Variants in GALNTL6 observed in about 807,000 individuals in gnomAD.
GALNTL6 encodes the protein polypeptide N-acetylgalactosaminyltransferase like 6.
A neutral mutation model predicts 73.7 loss-of-function variants in GALNTL6; 46 were observed. That is an observed-to-expected ratio of 0.62 (90% CI 0.49 to 0.80). The LOEUF is 0.80. Ranked by LOEUF, GALNTL6 falls within the 30% of genes least tolerant of loss-of-function variation. The probability of loss-of-function intolerance (pLI) is 0.00; values close to 1 mark genes in which losing one functional copy is unlikely to be tolerated. For synonymous variants in GALNTL6, 259 were observed against 263.7 expected, an observed-to-expected ratio of 0.98 and a Z score of 0.17; for missense variants, 604 against 755.0, an observed-to-expected ratio of 0.80 and a Z score of 2.34.
rs1732628780 is a variant in GALNTL6, at chr4:172,461,766, A to G, written c.553+113077A>G. Among the ~76,000 whole-genome samples the G allele has an allele frequency of 1.3e-5, 2 of 152,228 alleles. 1 individual carries two copies. The highest frequency in any genetic ancestry group is 4.1e-4 in the South Asian group (2 of 4,832). ...TTGCTTTTGGGCACTCTTGGGCACT[A>G]TTCAAAGATCAAAGAGTGGAACTAT... On this transcript the variant is annotated intron_variant, in intron 5 of 12. Coordinates refer to ENST00000506823, the MANE Select transcript of GALNTL6 (RefSeq NM_001034845.3).
Position 173,040,290 on chromosome 4 carries a change from A to C in GALNTL6, c.*190A>C. 5.5e-6 allele frequency: 3 copies of C among 541,648 alleles called. No homozygotes were observed. The allele number at this position is 541,648 out of a possible 1,614,324, so 33.6% of individuals were successfully genotyped here. Reference sequence around the variant, plus strand: ...TCTGAAGAACTTGGCTGAGAATCTCACCAGCTGCTTCTGAGAACTCGAGAC... The same window carrying C: ...TCTGAAGAACTTGGCTGAGAATCTCCCCAGCTGCTTCTGAGAACTCGAGAC... On this transcript the variant is annotated 3_prime_UTR_variant, in exon 13 of 13. Transcript: ENST00000506823.
intron 2 of GALNTL6, among the ~76,000 whole-genome samples, chr4:172,190,697 T>A (rs1735551631): frequency 6.6e-6 from 1 of 152,142 alleles, no homozygotes; most frequent in Non-Finnish European, 1.5e-5. Context: ...GTTAATAAGT[T>A]TTGTTTTATT....
chr4:171,834,991 A>G (rs1735063628), intron 2 of GALNTL6, among the ~76,000 whole-genome samples: 1 of 152,026 alleles, frequency 6.6e-6, no homozygotes, highest in Admixed American at 6.6e-5. Flanking sequence ...GAGAGGCATC[A>G]GAACTAAAAA....
chr4:172,592,716 C>CTATCTATCT (rs1553963436), intron 5 of GALNTL6, among the ~76,000 whole-genome samples: 2 of 151,536 alleles, frequency 1.3e-5, no homozygotes, highest in South Asian at 2.1e-4. Flanking sequence ...ATCTATCTAT[C>CTATCTATCT]GAGAGAGACT....
chr4:171,930,138 A>T (rs1036950800), intron 2 of GALNTL6, among the ~76,000 whole-genome samples: 1 of 152,372 alleles, frequency 6.6e-6, no homozygotes, highest in East Asian at 1.9e-4. Context: ...CCCTACAGCC[A>T]GTTGGCTGGT....
intron 3 of GALNTL6, among the ~76,000 whole-genome samples, chr4:172,291,864 G>A (rs1739488676): frequency 1.3e-5 from 2 of 151,948 alleles, no homozygotes; most frequent in South Asian, 4.1e-4. Flanking sequence ...TTTTAGGAGA[G>A]GAAGTTGAAG....
At chr4:172,953,863 G>A (rs1032565320) in intron 10 of GALNTL6, among the ~76,000 whole-genome samples, 2 of 152,222 alleles carry the variant, frequency 1.3e-5, no homozygotes, top group Non-Finnish European at 2.9e-5. Context: ...TAGCCTGCTT[G>A]TATTAATTTA....
At chr4:171,923,411 T>TG (rs1737855581) in intron 2 of GALNTL6, among the ~76,000 whole-genome samples, 1 of 150,340 alleles carries the variant, frequency 6.7e-6, no homozygotes, top group African/African-American at 2.5e-5. Flanking sequence ...TTTTTTTTTT[T>TG]TTTTGAGACG....
intron 5 of GALNTL6, among the ~76,000 whole-genome samples, chr4:172,374,175 A>G (rs1742937320): frequency 6.6e-6 from 1 of 152,198 alleles, no homozygotes; most frequent in South Asian, 2.1e-4. Context: ...CCACACTGAT[A>G]ACAAGCCCTA....
intron 5 of GALNTL6, among the ~76,000 whole-genome samples, chr4:172,743,188 A>G (rs569408211): frequency 2.8e-4 from 42 of 152,172 alleles, no homozygotes; most frequent in Non-Finnish European, 4.7e-4. Flanking sequence ...GCATTCTTAC[A>G]TGTGTCAGAC....
At chr4:172,326,756 T>C (rs1303408942) in intron 4 of GALNTL6, among the ~76,000 whole-genome samples, 1 of 151,984 alleles carries the variant, frequency 6.6e-6, no homozygotes, top group East Asian at 1.9e-4. Flanking sequence ...TTTTTTCCTC[T>C]GGCTTTGCCT....
At chr4:172,496,104 G>T (rs1378113790) in intron 5 of GALNTL6, among the ~76,000 whole-genome samples, 1 of 152,168 alleles carries the variant, frequency 6.6e-6, no homozygotes, top group Non-Finnish European at 1.5e-5. Context: ...CATCACTGCT[G>T]CATTTTTTAG....
chr4:172,896,758 G>C (rs1381368258), intron 8 of GALNTL6, among the ~76,000 whole-genome samples: 1 of 152,158 alleles, frequency 6.6e-6, no homozygotes, highest in Non-Finnish European at 1.5e-5. Context: ...TTGCAATTTG[G>C]CATCAGAGAC....
intron 2 of GALNTL6, among the ~76,000 whole-genome samples, chr4:171,988,194 T>A (rs575299469): frequency 1.7e-4 from 26 of 152,292 alleles, no homozygotes; most frequent in Admixed American, 6.5e-4. Flanking sequence ...CAGTCCTGGC[T>A]CTTGTGTAAG....
intron 5 of GALNTL6, among the ~76,000 whole-genome samples, chr4:172,615,647 A>G (rs1350523389): frequency 2.6e-5 from 4 of 152,220 alleles, no homozygotes; most frequent in African/African-American, 7.2e-5. Context: ...AAGAATGTGT[A>G]TACTATAAAT....
In GALNTL6 at chr4:172,248,474, C is replaced by T. The variant is rs114546612; in HGVS notation, c.247+18710C>T. On this transcript the variant is annotated intron_variant, in intron 3 of 12. Transcript: ENST00000506823. Reference sequence around the variant, plus strand: ...ACCCTAGATGTGAGCATATGACTGTCTAGAACAGTCACCAGTAGGTTTCAT... The same window carrying T: ...ACCCTAGATGTGAGCATATGACTGTTTAGAACAGTCACCAGTAGGTTTCAT... Among the ~76,000 whole-genome samples, 1,178 of 152,244 alleles carry T rather than the reference C, an allele frequency of 7.7e-3. 13 individuals carry two copies. Among genetic ancestry groups the T allele is most frequent in the African/African-American group, 0.027 (1,121 of 41,554 alleles).
At chr4:171,816,989 TAAATTGA>T (rs1291900885) in intron 2 of GALNTL6, among the ~76,000 whole-genome samples, 7 of 152,216 alleles carry the variant, frequency 4.6e-5, no homozygotes, top group Admixed American at 4.6e-4. Context: ...ACATAGGTTT[TAAATTGA>T]AACATAATTT....
intron 7 of GALNTL6, among the ~76,000 whole-genome samples, chr4:172,868,484 A>G (rs761041014): frequency 2.6e-5 from 4 of 152,268 alleles, no homozygotes; most frequent in Admixed American, 6.5e-5. Context: ...CCTTTTTATA[A>G]CAGAGAAAAC....
intron 2 of GALNTL6, among the ~76,000 whole-genome samples, chr4:172,116,757 G>A (rs1464464148): frequency 6.6e-6 from 1 of 152,100 alleles, no homozygotes; most frequent in East Asian, 1.9e-4. Flanking sequence ...GTGCATTACA[G>A]TTTTTAATTC....
Sources: allele counts gnomAD v4.1 joint callset (sites outside exome capture counted in the v4.1 genomes callset), GRCh38; gene constraint gnomAD v4.1.1; transcripts MANE v1.5; gene names NCBI Gene and HGNC (gene_info 2026-07-23, HGNC 2026-07-21).